The following SLC6A9 variants were observed in gnomAD, a reference collection of about 807,000 sequenced individuals.
The protein encoded by SLC6A9 is solute carrier family 6 member 9, also known as sodium- and chloride-dependent glycine transporter 1.
SLC6A9 carries 31 observed loss-of-function variants against 70.9 expected under a neutral mutation model. The observed-to-expected ratio is 0.44, with a 90% CI of 0.33 to 0.59. The LOEUF (loss-of-function observed/expected upper bound fraction) is 0.59. Ranked by LOEUF, SLC6A9 falls within the 20% of genes least tolerant of loss-of-function variation. The pLI, the probability that SLC6A9 is intolerant of heterozygous loss-of-function variation, is 0.04. For missense variants in SLC6A9, 631 were observed against 845.2 expected, an observed-to-expected ratio of 0.75 and a Z score of 3.14; for synonymous variants, 310 against 341.3, an observed-to-expected ratio of 0.91 and a Z score of 1.01.
intron 5 of SLC6A9, among the ~76,000 whole-genome samples, chr1:44,005,194 G>T (rs1266795121): frequency 6.6e-6 from 1 of 152,174 alleles, no homozygotes; most frequent in Admixed American, 6.5e-5. Context: ...GACCCTGGGG[G>T]ACAGGAGCTG....
chr1:44,022,908 G>A (rs1571915442), intron 2 of SLC6A9, among the ~76,000 whole-genome samples: 1 of 151,996 alleles, frequency 6.6e-6, no homozygotes, highest in Admixed American at 6.6e-5. Flanking sequence ...GTTTCACCAT[G>A]TTGGTCAGGC....
chr1:44,020,123 A>G (rs1030335604), intron 2 of SLC6A9, among the ~76,000 whole-genome samples: 6 of 152,212 alleles, frequency 3.9e-5, no homozygotes, highest in Non-Finnish European at 7.3e-5. Flanking sequence ...GAGCACCTCC[A>G]CTGTACTAGG....
chr1:44,005,284 G>C (rs1448942422), intron 5 of SLC6A9, among the ~76,000 whole-genome samples: 1 of 152,202 alleles, frequency 6.6e-6, no homozygotes, highest in African/African-American at 2.4e-5. Context: ...CAGCACAGGG[G>C]ACTGGAAGGC....
intron 5 of SLC6A9, among the ~76,000 whole-genome samples, chr1:44,004,276 G>T (rs144648848): frequency 6.7e-6 from 1 of 148,822 alleles, no homozygotes; most frequent in Non-Finnish European, 1.5e-5. Flanking sequence ...GATTACAGGC[G>T]TGAGCCACCA....
In SLC6A9 at chr1:44,002,024, T is replaced by C. The variant is rs1392493721; in HGVS notation, c.962+289A>G. ...GTGCTGGGATTACGGCGTGAAGCAC[T>C]GAGCCTGGCCCCCAACTCCTTTTCT... On this transcript the variant is annotated intron_variant, in intron 8 of 13. Coordinates refer to ENST00000372310, the MANE Select transcript of SLC6A9 (RefSeq NM_001024845.3). This position sits in a 1 kb window ranked among gnomAD's most constrained non-coding sequence, Gnocchi z 5.5. Among the ~76,000 whole-genome samples the C allele has an allele frequency of 6.6e-6, 1 of 152,108 alleles. No homozygotes were observed. The highest frequency in any genetic ancestry group is 2.4e-5 in the African/African-American group (1 of 41,412).
In SLC6A9 at chr1:44,008,671, G is replaced by A. The variant is rs199893508; in HGVS notation, c.320-48C>T. ...GGAGGAGCCTCAGCATCCAGCAGGA[G>A]GAGGTGAGGTTAATAATTTCTTTTT... On this transcript the variant is annotated intron_variant, in intron 4 of 13. Transcript: ENST00000372310. The A allele has an allele frequency of 1.4e-4, 205 of 1,485,504 alleles. 1 individual carries two copies. In the Middle Eastern group the frequency reaches 1.6e-3, roughly 11 times the overall value. The allele number at this position is 1,485,504 out of a possible 1,614,324, so 92.0% of individuals were successfully genotyped here.
chr1:44,029,696 G>A, intron 1 of SLC6A9, among the ~76,000 whole-genome samples: 1 of 152,190 alleles, frequency 6.6e-6, no homozygotes, highest in Non-Finnish European at 1.5e-5. Flanking sequence ...TTCTACCAGG[G>A]CAGAGGCGTG....
chr1:44,006,578 T>G (rs533949493), intron 5 of SLC6A9, among the ~76,000 whole-genome samples: 76 of 119,578 alleles, frequency 6.4e-4, no homozygotes, highest in African/African-American at 2.2e-3. Context: ...CAGAGCGAGA[T>G]TCTGTCTCAA....
chr1:44,017,444 C>G, intron 2 of SLC6A9: 3 of 992,438 alleles, frequency 3.0e-6, no homozygotes, highest in Non-Finnish European at 3.9e-6. Context: ...GTGGCTCACT[C>G]CCCCCACGGA....
Position 44,002,689 on chromosome 1 carries a change from C to A in SLC6A9, c.724-43G>T, listed in dbSNP as rs1475969873. On this transcript the variant is annotated intron_variant, in intron 6 of 13. Coordinates refer to ENST00000372310, the MANE Select transcript of SLC6A9 (RefSeq NM_001024845.3). The surrounding 1 kb of genome is among the most constrained non-coding windows in gnomAD (Gnocchi z 5.5). The stretch of plus-strand genomic sequence containing the variant: ...CATGGACTCTTCTGGGCTCTCCCCT[C>A]CCCTGGGCACCACCACCCTGGCTCC... 2 of 1,611,388 alleles carry A rather than the reference C, an allele frequency of 1.2e-6. No individual in the cohort carries two copies. The highest frequency in any genetic ancestry group is 1.7e-6 in the Non-Finnish European group (2 of 1,177,912).
chr1:43,997,345 T>C lies in SLC6A9; in HGVS notation c.*200A>G. 1 of 581,152 alleles carries C rather than the reference T, an allele frequency of 1.7e-6. No individual in the cohort carries two copies. 36.0% of individuals were successfully genotyped at this position (581,152 alleles called of 1,614,324 possible). On this transcript the variant is annotated 3_prime_UTR_variant, in exon 14 of 14. Coordinates refer to ENST00000372310, the MANE Select transcript of SLC6A9 (RefSeq NM_001024845.3). The surrounding 1 kb of genome is among the most constrained non-coding windows in gnomAD (Gnocchi z 4.4). Reference sequence around the variant, plus strand: ...CTCCACTCCCACCCCTCCCCCCAGCTGCTATCTTGGCATCCAAAGGACATG... The same window carrying C: ...CTCCACTCCCACCCCTCCCCCCAGCCGCTATCTTGGCATCCAAAGGACATG...
intron 1 of SLC6A9, among the ~76,000 whole-genome samples, chr1:44,026,492 C>G (rs1571920903): frequency 6.6e-6 from 1 of 152,166 alleles, no homozygotes; most frequent in East Asian, 1.9e-4. Context: ...AATCCCGTCT[C>G]TACTAAAAAT....
Position 43,997,368 on chromosome 1 carries a change from A to G in SLC6A9, c.*177T>C, listed in dbSNP as rs1277685201. 2 of 618,586 alleles carry G rather than the reference A, an allele frequency of 3.2e-6. No individual in the cohort carries two copies. The highest frequency in any genetic ancestry group is 3.7e-5 in the African/African-American group (2 of 54,114). 38.3% of individuals were successfully genotyped at this position (618,586 alleles called of 1,614,324 possible). On this transcript the variant is annotated 3_prime_UTR_variant, in exon 14 of 14. Transcript: ENST00000372310. This position sits in a 1 kb window ranked among gnomAD's most constrained non-coding sequence, Gnocchi z 4.4. ...GCTGCTATCTTGGCATCCAAAGGAC[A>G]TGTAAACACTGGGGACATGAGCATG...
chr1:44,010,823 C>G lies in SLC6A9; in HGVS notation c.90G>C (p.Trp30Cys). 2 of 1,614,210 alleles carry G rather than the reference C, an allele frequency of 1.2e-6. No individual in the cohort carries two copies. The highest frequency in any genetic ancestry group is 1.7e-6 in the Non-Finnish European group (2 of 1,180,022). ...KRDQNLKRGN[W>C]GNQIEFVLTS... ...TCAGTACAAACTCGATCTGGTTGCCCCAGTTGCCCCGTTTGAGGTTCTGGT... is the reference window on the plus strand; with the variant it reads ...TCAGTACAAACTCGATCTGGTTGCCGCAGTTGCCCCGTTTGAGGTTCTGGT... The change falls in exon 3 of 14, where the codon TGG becomes TGC. Residue 30 changes from tryptophan (W) to cysteine (C), a missense_variant. Transcript: ENST00000372310.
At chr1:43,999,393 G>A (rs937012955) in intron 12 of SLC6A9, among the ~76,000 whole-genome samples, 7 of 151,732 alleles carry the variant, frequency 4.6e-5, no homozygotes, top group Non-Finnish European at 7.4e-5. Flanking sequence ...CCCAGCCAAG[G>A]TTGCCCCTAC....
At chr1:44,009,937 G>C in intron 4 of SLC6A9, 28 bp downstream of exon 4, 1 of 1,611,344 alleles carries the variant, frequency 6.2e-7, no homozygotes, top group Non-Finnish European at 8.5e-7. Flanking sequence ...TTGTGTATGT[G>C]TGAGCGAGTG....
In SLC6A9 at chr1:43,997,459, C is replaced by A. The variant is rs2085903760; in HGVS notation, c.*86G>T. 1.6e-6 allele frequency: 2 copies of A among 1,223,960 alleles called. No homozygotes were observed. Among genetic ancestry groups the A allele is most frequent in the Non-Finnish European group, 2.4e-6 (2 of 844,758 alleles). The allele number at this position is 1,223,960 out of a possible 1,614,324, so 75.8% of individuals were successfully genotyped here. A position where few individuals can be genotyped will look rare whatever the true frequency, so the allele number is the denominator to read the frequency against. On this transcript the variant is annotated 3_prime_UTR_variant, in exon 14 of 14. Coordinates refer to ENST00000372310, the MANE Select transcript of SLC6A9 (RefSeq NM_001024845.3). The surrounding 1 kb of genome is among the most constrained non-coding windows in gnomAD (Gnocchi z 4.4). The stretch of plus-strand genomic sequence containing the variant: ...GTCCTGGCCAGGGCGTGGCAGGGGG[C>A]AGGCAGAGACACCTGGCCTCTGCCT...
At chr1:44,028,521 C>T (rs776330062) in intron 1 of SLC6A9, among the ~76,000 whole-genome samples, 3 of 152,064 alleles carry the variant, frequency 2.0e-5, no homozygotes, top group East Asian at 1.9e-4. Flanking sequence ...TTTGGGAGGC[C>T]GAGGTGGGTG....
At chr1:44,008,316 C>A (rs201008979) in intron 5 of SLC6A9, 37 bp downstream of exon 5, 3 of 1,608,086 alleles carry the variant, frequency 1.9e-6, no homozygotes, top group African/African-American at 1.3e-5. Context: ...GGGTTGCCAC[C>A]AGGTTCCCCC....
Sources: gnomAD v4.1 joint callset for allele counts (sites outside exome capture counted in the v4.1 genomes callset) on GRCh38, gnomAD v4.1.1 for gene constraint, Gnocchi (gnomAD v3.1) non-coding constraint, MANE v1.5 for transcripts, NCBI Gene and HGNC (gene_info 2026-07-23, HGNC 2026-07-21) for gene names.